Variants in DPYD observed in about 807,000 individuals in gnomAD.
The protein encoded by DPYD is dihydropyrimidine dehydrogenase [NADP(+)].
DPYD carries 109 observed loss-of-function variants against 116.2 expected under a neutral mutation model. The observed-to-expected ratio is 0.94, with a 90% CI of 0.80 to 1.10. The LOEUF is 1.10. DPYD is among the 50% of genes least tolerant of loss of function. DPYD has a pLI of 0.00. For synonymous variants in DPYD, 440 were observed against 432.0 expected, an observed-to-expected ratio of 1.02 and a Z score of -0.23; for missense variants, 1,302 against 1,254.5, an observed-to-expected ratio of 1.04 and a Z score of -0.57.
At chr1:97,122,669 G>A (rs115413363) in intron 20 of DPYD, among the ~76,000 whole-genome samples, 1,778 of 152,052 alleles carry the variant, frequency 0.012, 38 homozygotes, top group African/African-American at 0.04. Flanking sequence ...ATGGCATTGC[G>A]AAAAGTCAGC....
chr1:97,785,462 ATTAC>A (rs1393004917), intron 3 of DPYD, among the ~76,000 whole-genome samples: 1 of 152,116 alleles, frequency 6.6e-6, no homozygotes, highest in Non-Finnish European at 1.5e-5. Flanking sequence ...GAAGAAAATA[ATTAC>A]TTACACACAT....
intron 3 of DPYD, among the ~76,000 whole-genome samples, chr1:97,783,381 T>C (rs1399062925): frequency 6.6e-6 from 1 of 152,134 alleles, no homozygotes; most frequent in African/African-American, 2.4e-5. Context: ...TTTTATTTTA[T>C]TTTTTATTTA....
rs542142136 is a variant in DPYD, at chr1:97,591,844, T to TA, written c.1128+1373dup. Among the ~76,000 whole-genome samples, 1,386 of 147,878 alleles carry TA rather than the reference T, an allele frequency of 9.4e-3. 14 individuals are homozygous for TA. The highest frequency in any genetic ancestry group is 0.021 in the Middle Eastern group (6 of 282). ...AGATCAAAATGTTTCTTTCTATGTG[T>TA]AAAAAAAAACCATGATTACACTAAT... is the stretch of plus-strand genomic sequence containing the variant. On this transcript the variant is annotated intron_variant, in intron 10 of 22. Coordinates refer to ENST00000370192, the MANE Select transcript of DPYD (RefSeq NM_000110.4).
At chr1:97,695,340 C>T (rs1389764379) in intron 6 of DPYD, among the ~76,000 whole-genome samples, 2 of 148,412 alleles carry the variant, frequency 1.3e-5, no homozygotes, top group Non-Finnish European at 3.0e-5. Flanking sequence ...ATTGTATAGA[C>T]CAGAGGATAG....
At chr1:97,231,777 T>G (rs1661603601) in intron 19 of DPYD, among the ~76,000 whole-genome samples, 1 of 152,198 alleles carries the variant, frequency 6.6e-6, no homozygotes, top group Non-Finnish European at 1.5e-5. Flanking sequence ...AAATACTATA[T>G]GTAGCAGCAA....
intron 20 of DPYD, among the ~76,000 whole-genome samples, chr1:97,135,326 G>T (rs1245066442): frequency 1.3e-5 from 2 of 152,084 alleles, no homozygotes; most frequent in African/African-American, 4.8e-5. Flanking sequence ...AATATTTACT[G>T]CCAGGAGCAA....
chr1:97,832,341 G>C (rs563810973), intron 2 of DPYD, among the ~76,000 whole-genome samples: 9 of 152,204 alleles, frequency 5.9e-5, no homozygotes, highest in Admixed American at 5.9e-4. Flanking sequence ...CTTCTAAAGA[G>C]TAAACTGCAT....
chr1:97,569,983 C>A (rs1184902795), intron 11 of DPYD, among the ~76,000 whole-genome samples: 1 of 151,862 alleles, frequency 6.6e-6, no homozygotes, highest in Non-Finnish European at 1.5e-5. Flanking sequence ...CAACTATAAT[C>A]CCAAACTCTT....
At chr1:97,151,684 A>G (rs1364062435) in intron 20 of DPYD, among the ~76,000 whole-genome samples, 1 of 152,066 alleles carries the variant, frequency 6.6e-6, no homozygotes, top group Non-Finnish European at 1.5e-5. Flanking sequence ...TCAAAAATAA[A>G]AAAATAAAAA....
intron 20 of DPYD, among the ~76,000 whole-genome samples, chr1:97,102,101 G>A (rs930060447): frequency 1.3e-5 from 2 of 151,838 alleles, no homozygotes; most frequent in African/African-American, 4.8e-5. Context: ...TTTATTCATG[G>A]ATCAATCTAA....
At chr1:97,143,343 A>G (rs537635407) in intron 20 of DPYD, among the ~76,000 whole-genome samples, 1 of 152,262 alleles carries the variant, frequency 6.6e-6, no homozygotes, top group East Asian at 1.9e-4. Context: ...CAATGGCAAG[A>G]GTATTTAGGA....
rs141341687 is a variant in DPYD, at chr1:97,575,034, C to G, written c.1129-1064G>C. Among the ~76,000 whole-genome samples, 496 of 152,252 alleles carry G rather than the reference C, an allele frequency of 3.3e-3. 7 individuals are homozygous for G. Among genetic ancestry groups the G allele is most frequent in the African/African-American group, 0.011 (471 of 41,552 alleles). ...TTCAACAACCTATCCAGAGCTAGTG[C>G]CATGCATCACAATCACCTGGAAGGC... On this transcript the variant is annotated intron_variant, in intron 10 of 22. Coordinates refer to ENST00000370192, the MANE Select transcript of DPYD (RefSeq NM_000110.4).
chr1:97,443,788 T>C (rs1557715467), intron 14 of DPYD, among the ~76,000 whole-genome samples: 1 of 152,268 alleles, frequency 6.6e-6, no homozygotes, highest in Non-Finnish European at 1.5e-5. Flanking sequence ...AAAATCCCCC[T>C]ATTTCTAATA....
At chr1:97,260,670 A>T (rs972274168) in intron 18 of DPYD, among the ~76,000 whole-genome samples, 7 of 152,160 alleles carry the variant, frequency 4.6e-5, no homozygotes, top group African/African-American at 1.7e-4. Flanking sequence ...AACAAAAAAC[A>T]CTCAAATACA....
intron 4 of DPYD, among the ~76,000 whole-genome samples, chr1:97,733,814 C>A (rs1343044146): frequency 1.3e-5 from 2 of 151,962 alleles, no homozygotes; most frequent in Admixed American, 1.3e-4. Flanking sequence ...CTGAGTAACA[C>A]AGGGGTTTAC....
At chr1:97,797,873 G>A (rs1667652200) in intron 3 of DPYD, 1 of 151,994 alleles carries the variant, frequency 6.6e-6, no homozygotes, top group South Asian at 2.1e-4. Context: ...TGCATCCTAA[G>A]ATTTATGATA....
At chr1:97,456,049 T>C (rs1169896414) in intron 13 of DPYD, among the ~76,000 whole-genome samples, 1 of 151,842 alleles carries the variant, frequency 6.6e-6, no homozygotes, top group Non-Finnish European at 1.5e-5. Context: ...AATAATATTT[T>C]AGATATGTAT....
At chr1:97,469,272 T>C (rs1031939025) in intron 13 of DPYD, among the ~76,000 whole-genome samples, 1 of 151,850 alleles carries the variant, frequency 6.6e-6, no homozygotes, top group Non-Finnish European at 1.5e-5. Context: ...ATCTGATAAA[T>C]CTAAGTGCAA....
At position 97,893,190 on chromosome 1, in the gene DPYD, T is replaced by C. The variant is rs145859794; in HGVS notation, c.40-9816A>G. ...AATCATATTTTTAAGTACAGGAATA[T>C]AGAAAAAGGATGAAGACAACAGGTG... On this transcript the variant is annotated intron_variant, in intron 1 of 22. Transcript: ENST00000370192. 3.5e-3 allele frequency among the ~76,000 whole-genome samples: 528 copies of C among 151,224 alleles called. 3 individuals carry two copies. The highest frequency in any genetic ancestry group is 0.012 in the African/African-American group (501 of 41,386).
Sources: allele counts gnomAD v4.1 joint callset (sites outside exome capture counted in the v4.1 genomes callset), GRCh38; gene constraint gnomAD v4.1.1; transcripts MANE v1.5; gene names NCBI Gene and HGNC (gene_info 2026-07-23, HGNC 2026-07-21).